RAPGEF5: variants seen among roughly 807,000 people sequenced by gnomAD.
RAPGEF5 encodes Rap guanine nucleotide exchange factor 5.
A neutral mutation model predicts 125.2 loss-of-function variants in RAPGEF5; 65 were observed. The ratio of observed to expected loss-of-function variants is 0.52; its 90% CI spans 0.43 to 0.64. The LOEUF is 0.64. RAPGEF5 is among the 30% of genes least tolerant of loss of function. The pLI, the probability that RAPGEF5 is intolerant of heterozygous loss-of-function variation, is 0.00. For missense variants in RAPGEF5, 958 were observed against 1,048.1 expected, an observed-to-expected ratio of 0.91 and a Z score of 1.19; for synonymous variants, 391 against 385.9, an observed-to-expected ratio of 1.01 and a Z score of -0.16.
At chr7:22,185,998 G>C (rs533269040) in intron 11 of RAPGEF5, among the ~76,000 whole-genome samples, 1 of 152,098 alleles carries the variant, frequency 6.6e-6, no homozygotes, top group African/African-American at 2.4e-5. Context: ...GCTAATTTTT[G>C]TATTTTTAGT....
intron 9 of RAPGEF5, among the ~76,000 whole-genome samples, chr7:22,206,776 G>A (rs1785407851): frequency 6.6e-6 from 1 of 150,694 alleles, no homozygotes; most frequent in Admixed American, 6.6e-5. Context: ...AATGAGGAAG[G>A]GATTTCTCAT....
chr7:22,174,814 G>A (rs1005244084), intron 11 of RAPGEF5, among the ~76,000 whole-genome samples: 1 of 152,220 alleles, frequency 6.6e-6, no homozygotes, highest in African/African-American at 2.4e-5. Flanking sequence ...GAAGGATAAG[G>A]GGAGGGAGGT....
intron 5 of RAPGEF5, 85 bp downstream of exon 5, chr7:22,308,254 T>C: frequency 7.8e-7 from 1 of 1,288,136 alleles, no homozygotes; most frequent in East Asian, 2.8e-5. Context: ...GAGACAGTGA[T>C]CTTAAAGAGC....
chr7:22,289,968 C>A (rs779484965), intron 6 of RAPGEF5, among the ~76,000 whole-genome samples: 9 of 152,212 alleles, frequency 5.9e-5, no homozygotes, highest in Admixed American at 5.2e-4. Flanking sequence ...GAGGCCTCCC[C>A]AAACATGTGG....
chr7:22,326,979 G>C (rs1228681399), intron 1 of RAPGEF5, among the ~76,000 whole-genome samples: 2 of 152,128 alleles, frequency 1.3e-5, no homozygotes, highest in Non-Finnish European at 2.9e-5. Flanking sequence ...CATTACATAT[G>C]TACAGCTTTT....
At chr7:22,197,376 C>T (rs528275839) in intron 9 of RAPGEF5, among the ~76,000 whole-genome samples, 3 of 152,320 alleles carry the variant, frequency 2.0e-5, no homozygotes, top group Admixed American at 6.5e-5. Context: ...CTTGACACTA[C>T]GACACTCAAG....
intron 3 of RAPGEF5, among the ~76,000 whole-genome samples, chr7:22,314,111 A>T (rs554520734): frequency 3.9e-5 from 6 of 152,310 alleles, no homozygotes; most frequent in South Asian, 2.1e-4. Context: ...AAATGTGCTT[A>T]ATTAAAGTGT....
At chr7:22,305,828 T>A (rs892667701) in intron 5 of RAPGEF5, among the ~76,000 whole-genome samples, 2 of 152,230 alleles carry the variant, frequency 1.3e-5, no homozygotes, top group African/African-American at 4.8e-5. Context: ...GCCTGGCGTA[T>A]GTCATTCAAC....
chr7:22,275,113 G>A (rs1485171387), intron 6 of RAPGEF5, among the ~76,000 whole-genome samples: 4 of 152,082 alleles, frequency 2.6e-5, no homozygotes, highest in Non-Finnish European at 5.9e-5. Flanking sequence ...CGCCTTGTAT[G>A]GCTGTCACTT....
intron 24 of RAPGEF5, among the ~76,000 whole-genome samples, chr7:22,128,276 G>T (rs1246084002): frequency 1.3e-5 from 2 of 152,132 alleles, no homozygotes; most frequent in Non-Finnish European, 2.9e-5. Context: ...AGTTTGAGAT[G>T]AAAACATTTC....
intron 8 of RAPGEF5, among the ~76,000 whole-genome samples, chr7:22,220,425 T>C (rs1391020423): frequency 6.6e-6 from 1 of 152,174 alleles, no homozygotes; most frequent in Non-Finnish European, 1.5e-5. Flanking sequence ...AACACCCCAA[T>C]TCTTTAGCTC....
intron 7 of RAPGEF5, among the ~76,000 whole-genome samples, chr7:22,266,737 C>A (rs1347992574): frequency 6.6e-6 from 1 of 152,034 alleles, no homozygotes; most frequent in Non-Finnish European, 1.5e-5. Context: ...TTCTTGAAAT[C>A]AAAAATAGAT....
intron 8 of RAPGEF5, among the ~76,000 whole-genome samples, chr7:22,227,813 G>A (rs970480349): frequency 2.6e-5 from 4 of 152,238 alleles, no homozygotes; most frequent in African/African-American, 9.6e-5. Flanking sequence ...CTGCACTCCA[G>A]CCTGGGTGAC....
chr7:22,196,220 C>T (rs914503875), intron 9 of RAPGEF5, among the ~76,000 whole-genome samples: 2 of 152,110 alleles, frequency 1.3e-5, no homozygotes, highest in African/African-American at 2.4e-5. Context: ...AATAATCCTA[C>T]GAATTACATC....
intron 3 of RAPGEF5, among the ~76,000 whole-genome samples, chr7:22,313,698 T>C (rs1241250652): frequency 2.0e-5 from 3 of 152,262 alleles, no homozygotes; most frequent in South Asian, 2.1e-4. Flanking sequence ...TAATGATTGA[T>C]GTTACACATG....
rs539667203 is a variant in RAPGEF5, at chr7:22,213,116, T to C, written c.996+6750A>G. Among the ~76,000 whole-genome samples, 34 of 152,314 alleles carry C rather than the reference T, an allele frequency of 2.2e-4. No individual in the cohort carries two copies. In the South Asian group the frequency reaches 4.8e-3, roughly 21 times the overall value. ...TGAGCACCGTCAAAAAATAGCATAA[T>C]GACAAATTCCTCTCTCTTCAAAACC... On this transcript the variant is annotated intron_variant, in intron 9 of 25. Coordinates refer to ENST00000665637, the MANE Select transcript of RAPGEF5 (RefSeq NM_012294.5).
chr7:22,193,489 T>C, intron 10 of RAPGEF5, 34 bp from the exon 11 acceptor site: 1 of 1,567,220 alleles, frequency 6.4e-7, no homozygotes, highest in African/African-American at 1.4e-5. Context: ...TGAGTCATCC[T>C]CGGTGGAAGA....
intron 11 of RAPGEF5, among the ~76,000 whole-genome samples, chr7:22,186,531 T>G (rs1452065445): frequency 2.0e-5 from 3 of 152,224 alleles, no homozygotes; most frequent in Non-Finnish European, 4.4e-5. Flanking sequence ...TTCCTACTTA[T>G]TTTATTGTCT....
rs756794853 is a variant in RAPGEF5 at position 22,125,669 on chromosome 7, G to C, written c.2482-11C>G. 6.2e-7 allele frequency: 1 copy of C among 1,605,764 alleles called. No individual in the cohort carries two copies. The highest frequency in any genetic ancestry group is 1.7e-5 in the Admixed American group (1 of 59,982). On this transcript the variant is annotated splice_polypyrimidine_tract_variant and intron_variant, in intron 24 of 25. Coordinates refer to ENST00000665637, the MANE Select transcript of RAPGEF5 (RefSeq NM_012294.5). ...GTCTGCGATCATATGCTGTAAAGTA[G>C]AACAGGAAACACATCAATGGAAGGG... is the stretch of plus-strand genomic sequence containing the variant.
Sources: gnomAD v4.1 joint callset for allele counts (sites outside exome capture counted in the v4.1 genomes callset) on GRCh38, gnomAD v4.1.1 for gene constraint, MANE v1.5 for transcripts, NCBI Gene and HGNC (gene_info 2026-07-23, HGNC 2026-07-21) for gene names.